The following CAB39L variants were observed in gnomAD, a reference collection of about 807,000 sequenced individuals.
CAB39L encodes calcium-binding protein 39-like.
In CAB39L, 23 loss-of-function variants were observed where a neutral mutation model predicts 39.1. That is an observed-to-expected ratio of 0.59 (90% CI 0.42 to 0.83). CAB39L has a LOEUF of 0.83. Among genes scored for constraint, CAB39L ranks in the 40% least tolerant of loss-of-function variants. The probability of loss-of-function intolerance (pLI) is 0.00; values close to 1 mark genes in which losing one functional copy is unlikely to be tolerated. For synonymous variants in CAB39L, 126 were observed against 137.2 expected (o/e 0.92, Z 0.57); for missense variants, 366 against 391.9 (o/e 0.93, Z 0.56).
chr13:49,373,552 A>G (rs555382256), intron 5 of CAB39L, among the ~76,000 whole-genome samples: 27 of 152,300 alleles, frequency 1.8e-4, no homozygotes, highest in African/African-American at 6.0e-4. Context: ...AAATCATATA[A>G]TCATCACCCC....
At chr13:49,320,121 A>T (rs1954301059) in intron 10 of CAB39L, among the ~76,000 whole-genome samples, 1 of 152,182 alleles carries the variant, frequency 6.6e-6, no homozygotes, top group Non-Finnish European at 1.5e-5. Context: ...ATAGTGCATG[A>T]TTCCCTTGGG....
intron 7 of CAB39L, among the ~76,000 whole-genome samples, chr13:49,347,094 C>T (rs1049751545): frequency 4.0e-4 from 60 of 151,510 alleles, no homozygotes; most frequent in African/African-American, 1.4e-3. Flanking sequence ...AAACCAGCTA[C>T]TTTAAAAAAA....
chr13:49,351,878 A>C (rs1281333421), intron 6 of CAB39L, among the ~76,000 whole-genome samples: 2 of 152,210 alleles, frequency 1.3e-5, no homozygotes, highest in Non-Finnish European at 2.9e-5. Context: ...GGCTTGAATC[A>C]CTGGGTAGAT....
chr13:49,339,336 G>A (rs1187173346), intron 9 of CAB39L, among the ~76,000 whole-genome samples: 1 of 151,954 alleles, frequency 6.6e-6, no homozygotes, highest in Non-Finnish European at 1.5e-5. Context: ...TTGCCATGTT[G>A]GCCAGGCTGG....
At chr13:49,338,228 A>G (rs1954902575) in intron 9 of CAB39L, among the ~76,000 whole-genome samples, 2 of 151,988 alleles carry the variant, frequency 1.3e-5, no homozygotes, top group Admixed American at 1.3e-4. Flanking sequence ...ATTATTCACA[A>G]TAGCAAAGAC....
intron 10 of CAB39L, among the ~76,000 whole-genome samples, chr13:49,321,226 C>T (rs1423353791): frequency 6.6e-6 from 1 of 152,148 alleles, no homozygotes; most frequent in African/African-American, 2.4e-5. Flanking sequence ...TTCTTGTGCA[C>T]GTCACTATTT....
intron 3 of CAB39L, among the ~76,000 whole-genome samples, chr13:49,432,917 A>G (rs775062133): frequency 8.5e-5 from 13 of 152,196 alleles, no homozygotes; most frequent in Non-Finnish European, 1.9e-4. Context: ...TCTAGTCCTC[A>G]TCCTGCTCCT....
intron 5 of CAB39L, among the ~76,000 whole-genome samples, chr13:49,372,168 G>T (rs1350886030): frequency 6.6e-6 from 1 of 152,092 alleles, no homozygotes; most frequent in African/African-American, 2.4e-5. Context: ...AAAAAACACA[G>T]CTGAGTTTGA....
chr13:49,414,909 G>A (rs1957053988), intron 3 of CAB39L, among the ~76,000 whole-genome samples: 1 of 152,040 alleles, frequency 6.6e-6, no homozygotes, highest in Admixed American at 6.6e-5. Flanking sequence ...AAAAATGTAG[G>A]CTTGCTGGGC....
At chr13:49,336,741 C>G (rs952190278) in intron 9 of CAB39L, among the ~76,000 whole-genome samples, 1 of 152,176 alleles carries the variant, frequency 6.6e-6, no homozygotes, top group Non-Finnish European at 1.5e-5. Flanking sequence ...CTCGTTGTAC[C>G]ATGGACAAGC....
intron 3 of CAB39L, among the ~76,000 whole-genome samples, chr13:49,426,048 T>TG (rs1957239767): frequency 6.6e-6 from 1 of 152,160 alleles, no homozygotes; most frequent in African/African-American, 2.4e-5. Flanking sequence ...TAAAGCTTTG[T>TG]GGGGGTCCTA....
At chr13:49,362,749 G>A (rs1035406157) in intron 5 of CAB39L, among the ~76,000 whole-genome samples, 2 of 151,838 alleles carry the variant, frequency 1.3e-5, no homozygotes, top group South Asian at 2.1e-4. Flanking sequence ...GTATAAGAAG[G>A]TTATAGAACA....
At chr13:49,378,625 G>A (rs1337566356) in intron 4 of CAB39L, among the ~76,000 whole-genome samples, 5 of 69,240 alleles carry the variant, frequency 7.2e-5, no homozygotes, top group African/African-American at 1.8e-4. Context: ...CGCCCCGTCC[G>A]GGAGGTGAGG....
At chr13:49,317,296 G>A (rs975140761) in intron 10 of CAB39L, among the ~76,000 whole-genome samples, 6 of 152,268 alleles carry the variant, frequency 3.9e-5, no homozygotes, top group East Asian at 1.9e-4. Context: ...TTGGGAGGCC[G>A]AGGTGGGCGA....
rs532642028 is a variant in CAB39L at position 49,310,306 on chromosome 13, C to T, written c.*508G>A. On this transcript the variant is annotated 3_prime_UTR_variant, in exon 11 of 11. Coordinates refer to ENST00000409308, the MANE Select transcript of CAB39L (RefSeq NM_001079670.3). The stretch of plus-strand genomic sequence containing the variant: ...CTGGATCCTGGGAGGTGTGGATGCA[C>T]TGATTACAGTCCAAAGACATTGGCA... 3 of 153,658 alleles carry T rather than the reference C, an allele frequency of 2.0e-5. No individual in the cohort carries two copies. The highest frequency in any genetic ancestry group is 4.3e-5 in the Non-Finnish European group (3 of 69,100). The allele number at this position is 153,658 out of a possible 1,614,324, so 9.5% of individuals were successfully genotyped here. A position where few individuals can be genotyped will look rare whatever the true frequency, so the allele number is the denominator to read the frequency against.
At chr13:49,411,403 C>T (rs1237962893) in intron 3 of CAB39L, among the ~76,000 whole-genome samples, 2 of 140,886 alleles carry the variant, frequency 1.4e-5, no homozygotes, top group African/African-American at 5.2e-5. Flanking sequence ...GAGAGAGACT[C>T]TCCTGAGAAA....
intron 3 of CAB39L, among the ~76,000 whole-genome samples, chr13:49,421,050 G>A (rs971289696): frequency 3.3e-5 from 5 of 152,238 alleles, no homozygotes; most frequent in East Asian, 1.9e-4. Context: ...GTGGAGAGAC[G>A]ACAAACTGGC....
At chr13:49,321,428 T>C (rs1490717015) in intron 10 of CAB39L, among the ~76,000 whole-genome samples, 2 of 152,242 alleles carry the variant, frequency 1.3e-5, no homozygotes, top group East Asian at 3.8e-4. Context: ...AAACAGTTTA[T>C]ACGAATTGTA....
chr13:49,377,727 G>GA (rs1956117155), intron 4 of CAB39L, among the ~76,000 whole-genome samples: 3 of 80,384 alleles, frequency 3.7e-5, no homozygotes, highest in Admixed American at 2.2e-4. Flanking sequence ...GCAGTGGCGT[G>GA]ATCTCGGCTC....
Sources: allele counts gnomAD v4.1 joint callset (sites outside exome capture counted in the v4.1 genomes callset), GRCh38; gene constraint gnomAD v4.1.1; transcripts MANE v1.5; gene names NCBI Gene and HGNC (gene_info 2026-07-23, HGNC 2026-07-21).